The following PHYHD1 variants were observed in gnomAD, a reference collection of about 807,000 sequenced individuals.
PHYHD1 encodes phytanoyl-CoA dioxygenase domain-containing protein 1.
PHYHD1 carries 42 observed loss-of-function variants against 43.6 expected under a neutral mutation model. The observed-to-expected ratio is 0.96, with a 90% confidence interval of 0.75 to 1.25. The LOEUF is 1.25. Among genes scored for constraint, PHYHD1 ranks in the 50% most tolerant of loss-of-function variants. PHYHD1 has a pLI of 0.00. For synonymous variants in PHYHD1, 139 were observed against 143.6 expected (o/e 0.97, Z 0.23); for missense variants, 342 against 370.8 (o/e 0.92, Z 0.64).
chr9:128,940,472 C>G lies in PHYHD1; in HGVS notation c.561C>G (p.Leu187=). 1 of 1,614,182 alleles carries G rather than the reference C, an allele frequency of 6.2e-7. No homozygotes were observed. Among genetic ancestry groups the G allele is most frequent in the Non-Finnish European group, 8.5e-7 (1 of 1,180,038 alleles). ...ATGCCACGCTGGAGAACGGCTGTCTCTGGTTCATCCCTGGCTCCCACACCA... is the reference window on the plus strand; with the variant it reads ...ATGCCACGCTGGAGAACGGCTGTCTGTGGTTCATCCCTGGCTCCCACACCA... ...VEDATLENGC[L]WFIPGSHTSG... The change falls in exon 10 of 13, where the codon CTC becomes CTG. Residue 187 remains leucine, a synonymous_variant. Transcript: ENST00000372592.
At chr9:128,938,485 A>G (rs1301896112) in intron 9 of PHYHD1, among the ~76,000 whole-genome samples, 1 of 152,024 alleles carries the variant, frequency 6.6e-6, no homozygotes, top group Non-Finnish European at 1.5e-5. Flanking sequence ...ACAATGGCAC[A>G]ATTTCGGCTC....
intron 6 of PHYHD1, among the ~76,000 whole-genome samples, chr9:128,935,614 CG>C (rs1363899710): frequency 1.4e-5 from 2 of 144,498 alleles, no homozygotes; most frequent in African/African-American, 5.1e-5. Flanking sequence ...TTTTAAAGTA[CG>C]TAGCTTGGCC....
At chr9:128,935,220 G>A (rs980845810) in intron 6 of PHYHD1, among the ~76,000 whole-genome samples, 1 of 152,106 alleles carries the variant, frequency 6.6e-6, no homozygotes, top group African/African-American at 2.4e-5. Context: ...CTCTCAAAAT[G>A]CTGGGATTAT....
In PHYHD1 at chr9:128,940,487, C is replaced by T; in HGVS notation, c.576C>T (p.Gly192=). The change falls in exon 10 of 13, where the codon GGC becomes GGT. Residue 192 remains glycine, a synonymous_variant. Coordinates refer to ENST00000372592, the MANE Select transcript of PHYHD1 (RefSeq NM_001100876.2). ...LENGCLWFIP[G]SHTSGVSRRM... ...ACGGCTGTCTCTGGTTCATCCCTGG[C>T]TCCCACACCAGTGAGGAACCCTGTC... 4 of 1,614,160 alleles carry T rather than the reference C, an allele frequency of 2.5e-6. No individual in the cohort carries two copies. In the South Asian group the frequency reaches 3.3e-5, roughly 13 times the overall value.
At chr9:128,940,747 G>A in intron 11 of PHYHD1, 32 bp downstream of exon 11, 1 of 1,604,882 alleles carries the variant, frequency 6.2e-7, no homozygotes, top group Non-Finnish European at 8.5e-7. Flanking sequence ...AGAGGCAGGG[G>A]GCTGAGTCCA....
chr9:128,936,690 C>G (rs551974706), intron 8 of PHYHD1, 45 bp downstream of exon 8: 120 of 1,538,958 alleles, frequency 7.8e-5, no homozygotes, highest in Middle Eastern at 3.4e-4. Context: ...GTAAAATGGG[C>G]AGACTGCTCA....
At chr9:128,937,909 G>A (rs1343295753) in intron 9 of PHYHD1, 131 bp downstream of exon 9, 4 of 1,548,808 alleles carry the variant, frequency 2.6e-6, no homozygotes, top group Non-Finnish European at 3.5e-6. Flanking sequence ...CGGAGAGGAG[G>A]AGCCACCTTC....
intron 6 of PHYHD1, among the ~76,000 whole-genome samples, chr9:128,934,537 G>A (rs962091889): frequency 2.0e-5 from 3 of 152,098 alleles, no homozygotes; most frequent in Non-Finnish European, 2.9e-5. Context: ...GGGAGGCCAA[G>A]GTGGGTGGAT....
chr9:128,940,463 C>T lies in PHYHD1; in HGVS notation c.552C>T (p.Asn184=), dbSNP rs755661083. 20 of 1,614,168 alleles carry T rather than the reference C, an allele frequency of 1.2e-5. No homozygotes were observed. Among genetic ancestry groups the T allele is most frequent in the Middle Eastern group, 1.6e-4 (1 of 6,062 alleles). Residue 184 remains asparagine, a synonymous_variant, in exon 10 of 13, where the codon AAC becomes AAT. Coordinates refer to ENST00000372592, the MANE Select transcript of PHYHD1 (RefSeq NM_001100876.2). ...WIAVEDATLE[N]GCLWFIPGSH... The stretch of plus-strand genomic sequence containing the variant: ...CAGTGGAGGATGCCACGCTGGAGAA[C>T]GGCTGTCTCTGGTTCATCCCTGGCT...
chr9:128,931,555 C>T (rs1188877577), intron 4 of PHYHD1, among the ~76,000 whole-genome samples: 16 of 151,472 alleles, frequency 1.1e-4, no homozygotes, highest in African/African-American at 3.4e-4. Flanking sequence ...GACGGAGTCT[C>T]GCTCTGTCAC....
At position 128,936,489 on chromosome 9, in the gene PHYHD1, T is replaced by A. The variant is rs1841425725; in HGVS notation, c.358T>A (p.Ser120Thr). ...HDPVFKSITHSFKVQTLARSL... is the reference protein window; with the variant it reads ...HDPVFKSITHTFKVQTLARSL... ...CCCCGTCTTCAAGAGCATCACACAC[T>A]CCTTCAAGGTGCAGGTGAGCAGAGG... Residue 120 changes from serine (S) to threonine (T), a missense_variant, in exon 7 of 13, where the codon TCC becomes ACC. By Grantham distance (58) the Ser-to-Thr change is moderately conservative (BLOSUM62 1). Coordinates refer to ENST00000372592, the MANE Select transcript of PHYHD1 (RefSeq NM_001100876.2). 2 of 1,613,582 alleles carry A rather than the reference T, an allele frequency of 1.2e-6. No homozygotes were observed. Among genetic ancestry groups the A allele is most frequent in the Non-Finnish European group, 1.7e-6 (2 of 1,179,938 alleles).
intron 3 of PHYHD1, among the ~76,000 whole-genome samples, chr9:128,924,224 G>A (rs886517032): frequency 6.6e-6 from 1 of 151,946 alleles, no homozygotes; most frequent in African/African-American, 2.4e-5. Context: ...AGACCATCCT[G>A]GCTAACATGG....
chr9:128,941,650 C>G lies in PHYHD1; in HGVS notation c.831-18C>G. ...GTGACCCTGCACCTCAAGGTTGTTT[C>G]TCCTCTATCCTCTGCAGGCTCCAGC... On this transcript the variant is annotated intron_variant, in intron 12 of 12. Coordinates refer to ENST00000372592, the MANE Select transcript of PHYHD1 (RefSeq NM_001100876.2). 6.2e-7 allele frequency: 1 copy of G among 1,614,194 alleles called. No individual in the cohort carries two copies. The highest frequency in any genetic ancestry group is 2.2e-5 in the East Asian group (1 of 44,888).
In PHYHD1 at chr9:128,937,516, G is replaced by A. The variant is rs568091092; in HGVS notation, c.436-241G>A. 3.0e-4 allele frequency among the ~76,000 whole-genome samples: 46 copies of A among 152,336 alleles called. No individual in the cohort carries two copies. In the South Asian group the frequency reaches 8.9e-3, roughly 29 times the overall value. ...TCCAGTCCTTGCCCTGCTCTGCTCTGTGATCTTGTTAGGCATGTGTGTGCT... is the reference window on the plus strand; with the variant it reads ...TCCAGTCCTTGCCCTGCTCTGCTCTATGATCTTGTTAGGCATGTGTGTGCT... On this transcript the variant is annotated intron_variant, in intron 8 of 12. Coordinates refer to ENST00000372592, the MANE Select transcript of PHYHD1 (RefSeq NM_001100876.2).
intron 11 of PHYHD1, among the ~76,000 whole-genome samples, chr9:128,941,205 C>T (rs1434826010): frequency 6.6e-6 from 1 of 152,184 alleles, no homozygotes; most frequent in Non-Finnish European, 1.5e-5. Context: ...GAGGCCCTTC[C>T]TAAGGCTTGC....
intron 4 of PHYHD1, 29 bp from the exon 5 acceptor site, chr9:128,933,753 C>T: frequency 6.2e-7 from 1 of 1,607,104 alleles, no homozygotes; most frequent in South Asian, 1.1e-5. Flanking sequence ...AGGATGCTGT[C>T]TCAGTCCTCT....
chr9:128,922,400 G>T, intron 3 of PHYHD1, 44 bp downstream of exon 3: 1 of 1,542,300 alleles, frequency 6.5e-7, no homozygotes, highest in Non-Finnish European at 8.7e-7. Flanking sequence ...TGGCGGGGGG[G>T]TCCCTGCCGG....
chr9:128,925,707 G>C (rs560206637), intron 3 of PHYHD1, among the ~76,000 whole-genome samples: 6 of 152,028 alleles, frequency 3.9e-5, no homozygotes, highest in Non-Finnish European at 7.4e-5. Context: ...ATAGAATATA[G>C]CTCCCAGCCT....
intron 8 of PHYHD1, among the ~76,000 whole-genome samples, chr9:128,937,084 T>C (rs1204440062): frequency 1.3e-5 from 2 of 151,630 alleles, no homozygotes; most frequent in African/African-American, 4.8e-5. Context: ...CAATGTACTC[T>C]AGCCTGGGGG....
Sources: gnomAD v4.1 joint callset for allele counts (sites outside exome capture counted in the v4.1 genomes callset) on GRCh38, gnomAD v4.1.1 for gene constraint, MANE v1.5 for transcripts, NCBI Gene and HGNC (gene_info 2026-07-23, HGNC 2026-07-21) for gene names.